The following ZNF354A variants were observed in gnomAD, a reference collection of about 807,000 sequenced individuals.
The protein encoded by ZNF354A is zinc finger protein 354A.
Under a neutral mutation model 53.3 loss-of-function variants are expected in ZNF354A, and 25 were observed. The ratio of observed to expected loss-of-function variants is 0.47; its 90% CI spans 0.34 to 0.66. The LOEUF is 0.66. Ranked by LOEUF, ZNF354A falls within the 30% of genes least tolerant of loss-of-function variation. ZNF354A has a pLI of 0.01. For synonymous variants in ZNF354A, 228 were observed against 249.0 expected (o/e 0.92, Z 0.79); for missense variants, 586 against 716.8 (o/e 0.82, Z 2.08).
rs914840880 is a variant in ZNF354A at position 178,730,484 on chromosome 5, G to A, written c.-52+72C>T. On this transcript the variant is annotated intron_variant, in intron 1 of 4. Transcript: ENST00000335815. ...GCCAGCGCCCACAAAGGCTTTCGGA[G>A]CCTCGGCAGCCGCAGGCAGTCCCCG... is the stretch of plus-strand genomic sequence containing the variant. 8 of 152,266 alleles carry A rather than the reference G, an allele frequency of 5.3e-5. No individual in the cohort carries two copies. The South Asian group carries it at 1.0e-3, about 20-fold the overall frequency. The allele number at this position is 152,266 out of a possible 1,614,324, so 9.4% of individuals were successfully genotyped here.
chr5:178,713,432 T>C lies in ZNF354A; in HGVS notation c.446A>G (p.His149Arg). 6.2e-7 allele frequency: 1 copy of C among 1,613,420 alleles called. No homozygotes were observed. The highest frequency in any genetic ancestry group is 1.7e-4 in the Middle Eastern group (1 of 6,058). The change falls in exon 5 of 5, where the codon CAC (histidine) becomes CGC (arginine). Residue 149 changes from histidine (H) to arginine (R), a missense_variant. Around this residue, in one of 2 missense-constraint regions of ZNF354A, gnomAD observed 573 missense variants for 680.1 expected, o/e 0.84. Coordinates refer to ENST00000335815, the MANE Select transcript of ZNF354A (RefSeq NM_005649.3). ...TCTTTCTATAGTGGGGATTTTTTTG[T>C]GGGTGGCTGAAACTATCTGAAAACT... ...KGSFQIVSAT[H>R]KKIPTIERSH...
intron 4 of ZNF354A, among the ~76,000 whole-genome samples, chr5:178,715,941 G>A (rs1765704369): frequency 6.6e-6 from 1 of 151,258 alleles, no homozygotes; most frequent in East Asian, 1.9e-4. Context: ...GTGTCACCCA[G>A]GCTGGAGTGC....
intron 1 of ZNF354A, among the ~76,000 whole-genome samples, chr5:178,729,909 G>C (rs1292126328): frequency 7.1e-6 from 1 of 141,536 alleles, no homozygotes; most frequent in Non-Finnish European, 1.5e-5. Flanking sequence ...CTGTCGCTCA[G>C]GCTGGAGTGC....
intron 2 of ZNF354A, among the ~76,000 whole-genome samples, chr5:178,728,610 T>C (rs1359554040): frequency 6.8e-6 from 1 of 148,126 alleles, no homozygotes; most frequent in Non-Finnish European, 1.5e-5. Context: ...GCCAACGTGG[T>C]GAAACCCCAT....
intron 4 of ZNF354A, among the ~76,000 whole-genome samples, 158 bp downstream of exon 4, chr5:178,725,217 TG>T (rs1416916306): frequency 6.6e-6 from 1 of 152,266 alleles, no homozygotes; most frequent in East Asian, 1.9e-4. Flanking sequence ...GAGAGATTCA[TG>T]GGGAAGTGAA....
At position 178,712,624 on chromosome 5, in the gene ZNF354A, G is replaced by C. The variant is rs749157313; in HGVS notation, c.1254C>G (p.Gly418=). The change falls in exon 5 of 5, where the codon GGC becomes GGG. Residue 418 remains glycine (G), a synonymous_variant. Coordinates refer to ENST00000335815, the MANE Select transcript of ZNF354A (RefSeq NM_005649.3). ...KPYRCNECGK[G]FTSISRLNRH... is the part of the protein sequence containing the mutation. The stretch of plus-strand genomic sequence containing the variant: ...TATTAAGTCGTGAAATAGAAGTAAA[G>C]CCTTTCCCACATTCATTGCATCTAT... 1.9e-6 allele frequency: 3 copies of C among 1,614,112 alleles called. No individual in the cohort carries two copies. The highest frequency in any genetic ancestry group is 4.5e-5 in the East Asian group (2 of 44,874).
intron 2 of ZNF354A, among the ~76,000 whole-genome samples, chr5:178,727,632 G>A (rs1765936555): frequency 6.6e-6 from 1 of 152,156 alleles, no homozygotes; most frequent in Admixed American, 6.5e-5. Flanking sequence ...AAGTAAAATA[G>A]CTATAATTTA....
rs756629537 is a variant in ZNF354A at position 178,712,050 on chromosome 5, A to C, written c.*10T>G. 6.4e-7 allele frequency: 1 copy of C among 1,565,410 alleles called. No individual in the cohort carries two copies. Among genetic ancestry groups the C allele is most frequent in the African/African-American group, 1.4e-5 (1 of 73,088 alleles). The stretch of plus-strand genomic sequence containing the variant: ...TTGGTTTAAGGCTTTCACACATACA[A>C]ATCTACTTTCTAGGGGTCCTCTTCG... On this transcript the variant is annotated 3_prime_UTR_variant, in exon 5 of 5. Transcript: ENST00000335815.
rs1266349985 is a variant in ZNF354A at position 178,711,855 on chromosome 5, C to T, written c.*205G>A. 1.9e-6 allele frequency: 1 copy of T among 532,298 alleles called. No individual in the cohort carries two copies. Among genetic ancestry groups the T allele is most frequent in the Non-Finnish European group, 3.0e-6 (1 of 330,822 alleles). The allele number at this position is 532,298 out of a possible 1,614,324, so 33.0% of individuals were successfully genotyped here. On this transcript the variant is annotated 3_prime_UTR_variant, in exon 5 of 5. Transcript: ENST00000335815. ...GTCTTCAATTGTAAATTCTTCATCT[C>T]AGGTTATTTTTTTAAGTGTCTGACA... is the stretch of plus-strand genomic sequence containing the variant.
rs1470759382 is a variant in ZNF354A, at chr5:178,712,607, C to T, written c.1271G>A (p.Arg424Gln). The change falls in exon 5 of 5, where the codon CGA (arginine) becomes CAA (glutamine). Residue 424 changes from arginine to glutamine, a missense_variant. Arg to Gln is a conservative substitution (Grantham distance 43). This residue lies in a region of ZNF354A where 573 missense variants were observed against 680.1 expected (regional missense o/e 0.84). Coordinates refer to ENST00000335815, the MANE Select transcript of ZNF354A (RefSeq NM_005649.3). ...ATGAATGATTCGGTGTCTATTAAGT[C>T]GTGAAATAGAAGTAAAGCCTTTCCC... ...ECGKGFTSISRLNRHRIIHTG... is the reference protein window; with the variant it reads ...ECGKGFTSISQLNRHRIIHTG... 6 of 1,613,952 alleles carry T rather than the reference C, an allele frequency of 3.7e-6. No homozygotes were observed. Among genetic ancestry groups the T allele is most frequent in the African/African-American group, 1.3e-5 (1 of 74,896 alleles).
intron 4 of ZNF354A, 41 bp downstream of exon 4, chr5:178,725,335 C>T (rs1162994110): frequency 6.3e-7 from 1 of 1,589,470 alleles, no homozygotes; most frequent in East Asian, 2.2e-5. Context: ...TTAACCAGAC[C>T]ATTGTCTGCG....
intron 4 of ZNF354A, among the ~76,000 whole-genome samples, chr5:178,722,981 G>C (rs1300139674): frequency 6.6e-6 from 1 of 152,218 alleles, no homozygotes; most frequent in African/African-American, 2.4e-5. Context: ...AAGCAGGGCA[G>C]AGGCCCTGAG....
chr5:178,724,228 T>G (rs971105243), intron 4 of ZNF354A, among the ~76,000 whole-genome samples: 2 of 133,758 alleles, frequency 1.5e-5, no homozygotes, highest in Non-Finnish European at 3.2e-5. Flanking sequence ...GCTTCCCGCC[T>G]TTTTTTTTTT....
chr5:178,712,931 T>C lies in ZNF354A; in HGVS notation c.947A>G (p.His316Arg), dbSNP rs780840180. The C allele has an allele frequency of 6.2e-7, 1 of 1,614,174 alleles. No homozygotes were observed. The highest frequency in any genetic ancestry group is 8.5e-7 in the Non-Finnish European group (1 of 1,180,018). Residue 316 changes from histidine to arginine, a missense_variant, in exon 5 of 5, where the codon CAT (histidine) becomes CGT (arginine). Coordinates refer to ENST00000335815, the MANE Select transcript of ZNF354A (RefSeq NM_005649.3). ...GTTTTCTTCAGCATGAATTTTTTGA[T>C]GTATAAAAAGGCCTGACCTTCGGCT... ...SFSRRSGLFI[H>R]QKIHAEENPC...
At chr5:178,728,403 T>C (rs1476372438) in intron 2 of ZNF354A, among the ~76,000 whole-genome samples, 2 of 152,180 alleles carry the variant, frequency 1.3e-5, no homozygotes, top group African/African-American at 2.4e-5. Context: ...TTATGTTATA[T>C]ATATTTTGCC....
chr5:178,725,977 A>G (rs1313640494), intron 3 of ZNF354A: 2 of 289,376 alleles, frequency 6.9e-6, no homozygotes, highest in South Asian at 3.0e-5. Flanking sequence ...TCTCCCAAGT[A>G]GCGGGGACTA....
chr5:178,728,475 A>G (rs1175627331), intron 2 of ZNF354A, among the ~76,000 whole-genome samples: 2 of 152,120 alleles, frequency 1.3e-5, no homozygotes, highest in African/African-American at 4.8e-5. Context: ...ACACACACAC[A>G]CAAATAAATG....
In ZNF354A at chr5:178,727,124, A is replaced by G. The variant is rs1334501574; in HGVS notation, c.35T>C (p.Val12Ala). The change falls in exon 3 of 5, where the codon GTG becomes GCG. Residue 12 changes from valine (V) to alanine (A), a missense_variant and splice_region_variant. By Grantham distance (64) the Val-to-Ala change is moderately conservative. This residue lies in a region of ZNF354A where 13 missense variants were observed against 36.7 expected (regional missense o/e 0.35). Transcript: ENST00000335815. ...AAGQREARPQ[V>A]SLTFEDVAVL... ...AGCCACATCCTCAAACGTCAGTGAC[A>G]CCTGTAAGGACAAGTCGTTCCAGCT... 2 of 1,612,574 alleles carry G rather than the reference A, an allele frequency of 1.2e-6. No individual in the cohort carries two copies. The highest frequency in any genetic ancestry group is 1.7e-6 in the Non-Finnish European group (2 of 1,179,320).
At chr5:178,730,264 C>T (rs1766007419) in intron 1 of ZNF354A, among the ~76,000 whole-genome samples, 1 of 152,144 alleles carries the variant, frequency 6.6e-6, no homozygotes, top group Non-Finnish European at 1.5e-5. Context: ...TGCGTCCGCC[C>T]TGCCCTCGGG....
Sources: gnomAD v4.1 joint callset for allele counts (sites outside exome capture counted in the v4.1 genomes callset) on GRCh38, gnomAD v4.1.1 for gene constraint, gnomAD v4.1.1 regional missense constraint, MANE v1.5 for transcripts, NCBI Gene and HGNC (gene_info 2026-07-23, HGNC 2026-07-21) for gene names.